TIPARP: variants seen among roughly 807,000 people sequenced by gnomAD.
TIPARP encodes protein mono-ADP-ribosyltransferase TIPARP.
TIPARP carries 12 observed loss-of-function variants against 56.5 expected under a neutral mutation model. That is an observed-to-expected ratio of 0.21 (90% CI 0.14 to 0.34). The LOEUF (loss-of-function observed/expected upper bound fraction) is 0.34, where lower values mean the gene tolerates loss of function less well. Among genes scored for constraint, TIPARP ranks in the 10% least tolerant of loss-of-function variants. TIPARP has a pLI of 1.00. For synonymous variants in TIPARP, 296 were observed against 265.7 expected, an observed-to-expected ratio of 1.11 and a Z score of -1.11; for missense variants, 604 against 781.6, an observed-to-expected ratio of 0.77 and a Z score of 2.71.
At chr3:156,690,641 A>G (rs1419488950) in intron 2 of TIPARP, among the ~76,000 whole-genome samples, 1 of 152,158 alleles carries the variant, frequency 6.6e-6, no homozygotes, top group African/African-American at 2.4e-5. Flanking sequence ...AAAAATCAGC[A>G]GTCTGTTCAC....
At chr3:156,676,308 A>C (rs1451039132) in intron 1 of TIPARP, among the ~76,000 whole-genome samples, 1 of 152,142 alleles carries the variant, frequency 6.6e-6, no homozygotes, top group Non-Finnish European at 1.5e-5. Context: ...TTTTGTACTT[A>C]TCATGTAAAT....
At chr3:156,693,294 A>G (rs1488230922) in intron 2 of TIPARP, among the ~76,000 whole-genome samples, 1 of 152,186 alleles carries the variant, frequency 6.6e-6, no homozygotes, top group Non-Finnish European at 1.5e-5. Flanking sequence ...CCTTTTATAA[A>G]TTATTAAATG....
intron 2 of TIPARP, among the ~76,000 whole-genome samples, chr3:156,687,260 G>C (rs989030768): frequency 1.3e-5 from 2 of 152,172 alleles, no homozygotes; most frequent in South Asian, 2.1e-4. Context: ...AGTTAAGGCT[G>C]TATGACATTT....
At chr3:156,680,253 G>C (rs938362503) in intron 2 of TIPARP, among the ~76,000 whole-genome samples, 1 of 152,086 alleles carries the variant, frequency 6.6e-6, no homozygotes, top group African/African-American at 2.4e-5. Context: ...ATTCCACCTT[G>C]CTTCAGTAGT....
chr3:156,696,006 A>G lies in TIPARP; in HGVS notation c.1228A>G (p.Ile410Val). Residue 410 changes from isoleucine to valine, a missense_variant, in exon 4 of 6, where the codon ATA (isoleucine) becomes GTA (valine). Ile to Val is a conservative substitution (Grantham distance 29). Transcript: ENST00000295924. ...KRRPLFRSCF[I>V]LLPYLQTLGG... is the part of the protein sequence containing the mutation. The stretch of plus-strand genomic sequence containing the variant: ...GAGACCCCTCTTCCGCTCCTGTTTT[A>G]TACTGCTTCCATATTTACAGTAAGT... The G allele has an allele frequency of 6.2e-7, 1 of 1,608,778 alleles. No homozygotes were observed. Among genetic ancestry groups the G allele is most frequent in the Non-Finnish European group, 8.5e-7 (1 of 1,178,522 alleles).
rs745897330 is a variant in TIPARP at position 156,695,351 on chromosome 3, C to A, written c.1087-514C>A. Reference sequence around the variant, plus strand: ...GCCTCAGCCTCCCAAATAGCTGGGACTACAGGTGCATGCCACCATACTCAA... The same window carrying A: ...GCCTCAGCCTCCCAAATAGCTGGGAATACAGGTGCATGCCACCATACTCAA... On this transcript the variant is annotated intron_variant, in intron 3 of 5. Transcript: ENST00000295924. Among the ~76,000 whole-genome samples the A allele has an allele frequency of 2.6e-5, 4 of 151,996 alleles. No homozygotes were observed. The East Asian group carries it at 7.7e-4, about 29-fold the overall frequency.
chr3:156,692,930 T>C (rs2108493679), intron 2 of TIPARP, among the ~76,000 whole-genome samples: 1 of 152,194 alleles, frequency 6.6e-6, no homozygotes, highest in South Asian at 2.1e-4. Context: ...AAATTTAATA[T>C]CCTTTTCAAA....
intron 1 of TIPARP, chr3:156,675,675 C>G (rs1270555555): frequency 6.6e-6 from 1 of 152,294 alleles, no homozygotes; most frequent in African/African-American, 2.4e-5. Flanking sequence ...GACCCGGGCT[C>G]GGCGCCGGGG....
chr3:156,676,495 T>G (rs1260236405), intron 1 of TIPARP, among the ~76,000 whole-genome samples: 1 of 152,240 alleles, frequency 6.6e-6, no homozygotes, highest in African/African-American at 2.4e-5. Context: ...TATGTGCTTT[T>G]CTTAACTAAT....
intron 2 of TIPARP, among the ~76,000 whole-genome samples, chr3:156,686,992 G>A (rs114127005): frequency 0.02 from 2,973 of 152,110 alleles, 36 homozygotes; most frequent in Non-Finnish European, 0.027. Flanking sequence ...TGTTTACTTT[G>A]AGATAAGATA....
Position 156,674,624 on chromosome 3 carries a change from G to C in TIPARP, c.-214G>C, listed in dbSNP as rs192566681. The C allele has an allele frequency of 6.5e-6, 1 of 152,790 alleles. No individual in the cohort carries two copies. Among genetic ancestry groups the C allele is most frequent in the Non-Finnish European group, 1.5e-5 (1 of 68,120 alleles). The allele number at this position is 152,790 out of a possible 1,614,324, so 9.5% of individuals were successfully genotyped here. On this transcript the variant is annotated 5_prime_UTR_variant, in exon 1 of 6. Coordinates refer to ENST00000295924, the MANE Select transcript of TIPARP (RefSeq NM_015508.5). ...GGTGACAGGCGAGCTGGCTGGACTC[G>C]GAGCGCGGTCGAGGCTTTCTGCGTT...
intron 4 of TIPARP, among the ~76,000 whole-genome samples, chr3:156,702,203 A>G (rs1221151735): frequency 6.6e-6 from 1 of 152,042 alleles, no homozygotes; most frequent in African/African-American, 2.4e-5. Flanking sequence ...TGGAACTGAA[A>G]AGAGTATGAA....
chr3:156,703,621 A>G lies in TIPARP; in HGVS notation c.1445A>G (p.His482Arg). The G allele has an allele frequency of 1.2e-6, 2 of 1,614,208 alleles. No homozygotes were observed. Among genetic ancestry groups the G allele is most frequent in the Non-Finnish European group, 1.7e-6 (2 of 1,180,044 alleles). The change falls in exon 5 of 6, where the codon CAT becomes CGT. Residue 482 changes from histidine (H) to arginine (R), a missense_variant. By Grantham distance (29) the His-to-Arg change is conservative (BLOSUM62 0). This residue lies in a region of TIPARP where 252 missense variants were observed against 303.9 expected (regional missense o/e 0.83). Coordinates refer to ENST00000295924, the MANE Select transcript of TIPARP (RefSeq NM_015508.5). ...TATCGGATCATTTACAATCTTTTTC[A>G]TAAGACTGTGCCTGAGTTTAAATAC... ...KSYRIIYNLF[H>R]KTVPEFKYRI... is the part of the protein sequence containing the mutation.
intron 5 of TIPARP, among the ~76,000 whole-genome samples, chr3:156,704,332 A>C (rs1175684996): frequency 6.6e-6 from 1 of 152,184 alleles, no homozygotes; most frequent in Admixed American, 6.5e-5. Flanking sequence ...CAAGTCAACA[A>C]ACTAATGAAG....
intron 2 of TIPARP, among the ~76,000 whole-genome samples, chr3:156,685,396 C>G (rs1317445075): frequency 6.6e-6 from 1 of 152,218 alleles, no homozygotes; most frequent in East Asian, 1.9e-4. Flanking sequence ...AATGCTAGAG[C>G]AACTATTCCT....
rs151313780 is a variant in TIPARP at position 156,689,324 on chromosome 3, A to C, written c.918-4696A>C. 1.4e-4 allele frequency among the ~76,000 whole-genome samples: 21 copies of C among 152,180 alleles called. 1 individual carries two copies. The highest frequency in any genetic ancestry group is 4.1e-4 in the African/African-American group (17 of 41,510). On this transcript the variant is annotated intron_variant, in intron 2 of 5. Coordinates refer to ENST00000295924, the MANE Select transcript of TIPARP (RefSeq NM_015508.5). ...ACGTGTAATTATCCTTCATGCAGTT[A>C]AATTCTAACTCTTAAATACTTCAGC...
chr3:156,675,723 A>G (rs345987), intron 1 of TIPARP: 145,962 of 152,268 alleles, frequency 0.96, 69,973 homozygotes, highest in Middle Eastern at 0.99. Context: ...TTGGAGCGGC[A>G]GTTTTTTCGG....
In TIPARP at chr3:156,677,730, CTG is replaced by C; in HGVS notation, c.37_38del (p.Val13SerfsTer8). The stretch of plus-strand genomic sequence containing the variant: ...TGGAAACCACCGAACCTGAGCCAGA[CTG>C]TGTAGTGCAGCCTCCCTCTCCTCCT... Reference protein sequence around the residue: ...EMETTEPEPDCVVQPPSPPDD... With the variant: ...EMETTEPEPDXVVQPPSPPDD... On this transcript the variant is annotated frameshift_variant, in exon 2 of 6. Coordinates refer to ENST00000295924, the MANE Select transcript of TIPARP (RefSeq NM_015508.5). LOFTEE classifies it high-confidence loss of function. 2.5e-6 allele frequency: 4 copies of C among 1,608,896 alleles called. No individual in the cohort carries two copies. The highest frequency in any genetic ancestry group is 3.4e-6 in the Non-Finnish European group (4 of 1,178,238).
At chr3:156,684,698 C>T (rs62276623) in intron 2 of TIPARP, among the ~76,000 whole-genome samples, 4,867 of 152,278 alleles carry the variant, frequency 0.032, 112 homozygotes, top group Non-Finnish European at 0.048. Flanking sequence ...TCACAAAGTG[C>T]TAGGATTACA....
Sources: allele counts gnomAD v4.1 joint callset (sites outside exome capture counted in the v4.1 genomes callset), GRCh38; gene constraint gnomAD v4.1.1; regional missense constraint gnomAD v4.1.1; transcripts MANE v1.5; gene names NCBI Gene and HGNC (gene_info 2026-07-23, HGNC 2026-07-21).